HCRTR2: variants seen among roughly 807,000 people sequenced by gnomAD.
HCRTR2 encodes the protein orexin receptor type 2.
A neutral mutation model predicts 49.0 loss-of-function variants in HCRTR2; 22 were observed. The observed-to-expected ratio is 0.45, with a 90% CI of 0.32 to 0.64. The LOEUF is 0.64. Ranked by LOEUF, HCRTR2 falls within the 30% of genes least tolerant of loss-of-function variation. HCRTR2 has a pLI of 0.04. For synonymous variants in HCRTR2, 236 were observed against 205.3 expected (o/e 1.15, Z -1.28); for missense variants, 491 against 559.4 (o/e 0.88, Z 1.23).
intron 2 of HCRTR2, among the ~76,000 whole-genome samples, chr6:55,254,583 A>G (rs1766614183): frequency 1.3e-5 from 2 of 152,140 alleles, no homozygotes; most frequent in Admixed American, 6.6e-5. Flanking sequence ...CTTGGGTGCT[A>G]CATGTTGAAA....
chr6:55,270,062 G>A (rs2127326078), intron 4 of HCRTR2, among the ~76,000 whole-genome samples: 2 of 152,242 alleles, frequency 1.3e-5, no homozygotes, highest in South Asian at 2.1e-4. Context: ...TCCCTAAAAA[G>A]AGAATTATGA....
chr6:55,249,635 C>T (rs991587205), intron 2 of HCRTR2, among the ~76,000 whole-genome samples: 3 of 152,078 alleles, frequency 2.0e-5, no homozygotes, highest in African/African-American at 7.2e-5. Context: ...AGGTGTTTTT[C>T]TTTCCTTAAG....
At chr6:55,178,456 T>G (rs1436602482) in intron 1 of HCRTR2, among the ~76,000 whole-genome samples, 2 of 152,204 alleles carry the variant, frequency 1.3e-5, no homozygotes, top group Non-Finnish European at 2.9e-5. Context: ...ATAGAAATAG[T>G]ATCAGGATAT....
At chr6:55,122,406 A>G (rs999714561) in intron 1 of HCRTR2, among the ~76,000 whole-genome samples, 1 of 152,130 alleles carries the variant, frequency 6.6e-6, no homozygotes, top group African/African-American at 2.4e-5. Context: ...TATCTTTTCA[A>G]AAAACCAGCT....
chr6:55,246,892 T>TATTGTCTAG, intron 1 of HCRTR2, among the ~76,000 whole-genome samples: 1 of 152,192 alleles, frequency 6.6e-6, no homozygotes, highest in Non-Finnish European at 1.5e-5. Context: ...TTTGCTCTAC[T>TATTGTCTAG]ATTGTCTAGA....
At chr6:55,123,041 C>T (rs1353875041) in intron 1 of HCRTR2, among the ~76,000 whole-genome samples, 1 of 151,594 alleles carries the variant, frequency 6.6e-6, no homozygotes, top group Non-Finnish European at 1.5e-5. Flanking sequence ...GAGTGCAGCA[C>T]ACCAACATGA....
intron 1 of HCRTR2, among the ~76,000 whole-genome samples, chr6:55,122,088 G>A (rs1231065781): frequency 1.3e-5 from 2 of 152,078 alleles, no homozygotes; most frequent in African/African-American, 2.4e-5. Context: ...GAATCCATCT[G>A]GTCCTGGACT....
intron 1 of HCRTR2, among the ~76,000 whole-genome samples, chr6:55,131,373 T>A (rs918942843): frequency 6.6e-6 from 1 of 151,816 alleles, no homozygotes; most frequent in Non-Finnish European, 1.5e-5. Context: ...ACATTCAAAT[T>A]CTAGATGTTC....
intron 1 of HCRTR2, among the ~76,000 whole-genome samples, chr6:55,131,977 A>C (rs1764364235): frequency 6.6e-6 from 1 of 151,830 alleles, no homozygotes; most frequent in Non-Finnish European, 1.5e-5. Context: ...AAAATGACAG[A>C]ATAATGCCTT....
At chr6:55,240,085 G>C (rs1171006099) in intron 1 of HCRTR2, among the ~76,000 whole-genome samples, 1 of 151,764 alleles carries the variant, frequency 6.6e-6, no homozygotes, top group African/African-American at 2.4e-5. Context: ...CCAGTAAATA[G>C]TTTTGAAGTT....
intron 1 of HCRTR2, among the ~76,000 whole-genome samples, chr6:55,166,486 C>G (rs1764879336): frequency 6.6e-6 from 1 of 151,752 alleles, no homozygotes; most frequent in Non-Finnish European, 1.5e-5. Context: ...AGACTTAAAA[C>G]ACACACAACG....
chr6:55,125,243 G>A (rs1385799812), intron 1 of HCRTR2, among the ~76,000 whole-genome samples: 2 of 152,120 alleles, frequency 1.3e-5, no homozygotes, highest in Non-Finnish European at 2.9e-5. Context: ...TTTTGCAGTG[G>A]CTGGTACCAG....
chr6:55,203,289 T>G (rs1038475052), intron 1 of HCRTR2, among the ~76,000 whole-genome samples: 4 of 152,178 alleles, frequency 2.6e-5, no homozygotes, highest in African/African-American at 9.7e-5. Flanking sequence ...AAGAATAGCT[T>G]AATTTTTCCT....
chr6:55,202,712 AG>A (rs1313064559), intron 1 of HCRTR2, among the ~76,000 whole-genome samples: 1 of 151,812 alleles, frequency 6.6e-6, no homozygotes, highest in Non-Finnish European at 1.5e-5. Flanking sequence ...TCCTTCCCAA[AG>A]GGCCCACTTC....
At chr6:55,116,534 C>A (rs2127612241) in intron 1 of HCRTR2, among the ~76,000 whole-genome samples, 1 of 150,842 alleles carries the variant, frequency 6.6e-6, no homozygotes, top group East Asian at 1.9e-4. Flanking sequence ...AAGGGAGAAG[C>A]AAGGAGAGAA....
Position 55,141,893 on chromosome 6 carries a change from T to G in HCRTR2, c.-377-32318T>G, listed in dbSNP as rs1435825295. On this transcript the variant is annotated intron_variant, in intron 1 of 7. Transcript: ENST00000615358. Reference sequence around the variant, plus strand: ...GAAAAGTAAAAGCTATAGAAACCCATGTAAAATACATGCAAGAATTATTCT... The same window carrying G: ...GAAAAGTAAAAGCTATAGAAACCCAGGTAAAATACATGCAAGAATTATTCT... Among the ~76,000 whole-genome samples the G allele has an allele frequency of 2.6e-5, 4 of 152,172 alleles. No homozygotes were observed. The East Asian group carries it at 7.7e-4, about 29-fold the overall frequency.
chr6:55,144,667 C>T (rs909178329), intron 1 of HCRTR2, among the ~76,000 whole-genome samples: 2 of 152,146 alleles, frequency 1.3e-5, no homozygotes, highest in East Asian at 3.9e-4. Flanking sequence ...AATAGGTTCA[C>T]GCTCCTGTGA....
At chr6:55,153,995 C>T (rs1764697543) in intron 1 of HCRTR2, among the ~76,000 whole-genome samples, 1 of 151,490 alleles carries the variant, frequency 6.6e-6, no homozygotes, top group Admixed American at 6.6e-5. Flanking sequence ...CTATTATGAA[C>T]AACTATACAC....
intron 1 of HCRTR2, among the ~76,000 whole-genome samples, chr6:55,139,565 T>A (rs1467729752): frequency 6.6e-6 from 1 of 152,184 alleles, no homozygotes; most frequent in Non-Finnish European, 1.5e-5. Flanking sequence ...ATCTTTAAGG[T>A]CTCAGCTCCA....
Sources: allele counts gnomAD v4.1 joint callset (sites outside exome capture counted in the v4.1 genomes callset), GRCh38; gene constraint gnomAD v4.1.1; transcripts MANE v1.5; gene names NCBI Gene and HGNC (gene_info 2026-07-23, HGNC 2026-07-21).